The following R3HDM2 variants were observed in gnomAD, a reference collection of about 807,000 sequenced individuals.
The protein encoded by R3HDM2 is R3H domain containing 2, also known as R3H domain-containing protein 2.
R3HDM2 carries 38 observed loss-of-function variants against 124.5 expected under a neutral mutation model. The observed-to-expected ratio is 0.31, with a 90% confidence interval of 0.24 to 0.40. The LOEUF (loss-of-function observed/expected upper bound fraction) is 0.40, where lower values mean the gene tolerates loss of function less well. Ranked by LOEUF, R3HDM2 falls within the 10% of genes least tolerant of loss-of-function variation. The pLI is 1.00. For missense variants in R3HDM2, 869 were observed against 1,236.9 expected (o/e 0.70, Z 4.46); for synonymous variants, 391 against 448.0 (o/e 0.87, Z 1.61).
At chr12:57,361,439 A>G (rs2061956496) in intron 2 of R3HDM2, among the ~76,000 whole-genome samples, 1 of 151,040 alleles carries the variant, frequency 6.6e-6, no homozygotes, top group Non-Finnish European at 1.5e-5. Context: ...TAATCCCTAC[A>G]CTTTGGGAAA....
chr12:57,284,074 G>A lies in R3HDM2; in HGVS notation c.939-18C>T. 1 of 1,573,300 alleles carries A rather than the reference G, an allele frequency of 6.4e-7. No individual in the cohort carries two copies. Among genetic ancestry groups the A allele is most frequent in the South Asian group, 1.1e-5 (1 of 87,450 alleles). The stretch of plus-strand genomic sequence containing the variant: ...GGTTCCCCCTGCAGAGACCATAGTG[G>A]TCAGAGCACCTCCCACCCACCACTT... On this transcript the variant is annotated intron_variant, in intron 12 of 23. Coordinates refer to ENST00000402412, the MANE Select transcript of R3HDM2 (RefSeq NM_001394031.1).
chr12:57,298,056 A>G (rs987252716), intron 7 of R3HDM2, 34 bp downstream of exon 7: 1 of 1,471,064 alleles, frequency 6.8e-7, no homozygotes, highest in South Asian at 1.2e-5. Flanking sequence ...CTATCCCCTA[A>G]CCCCTTTTCC....
At chr12:57,262,258 C>A (rs538174557) in intron 19 of R3HDM2, among the ~76,000 whole-genome samples, 13 of 152,238 alleles carry the variant, frequency 8.5e-5, no homozygotes, top group African/African-American at 2.6e-4. Flanking sequence ...CTTTGGAAAC[C>A]CCTCAGCTAA....
rs557686552 is a variant in R3HDM2 at position 57,360,711 on chromosome 12, GA to G, written c.-36+35037del. Among the ~76,000 whole-genome samples, 325 of 150,870 alleles carry G rather than the reference GA, an allele frequency of 2.2e-3. 2 individuals carry two copies. Among genetic ancestry groups the G allele is most frequent in the African/African-American group, 7.3e-3 (301 of 41,076 alleles). ...GAAAGGAAAAAGGAAAGGAAAGGAA[GA>G]AAAAAAATAAAAGAAAATGTGGCTT... On this transcript the variant is annotated intron_variant, in intron 2 of 23. Transcript: ENST00000402412.
chr12:57,326,004 G>A (rs1205457499), intron 2 of R3HDM2, among the ~76,000 whole-genome samples: 1 of 152,056 alleles, frequency 6.6e-6, no homozygotes, highest in Non-Finnish European at 1.5e-5. Context: ...ATTATTATAT[G>A]TGTTATTGTG....
Position 57,343,259 on chromosome 12 carries a change from TG to T in R3HDM2, c.-35-32797del, listed in dbSNP as rs1170716015. 2.0e-4 allele frequency among the ~76,000 whole-genome samples: 30 copies of T among 151,188 alleles called. 1 individual carries two copies. In the East Asian group the frequency reaches 5.6e-3, roughly 28 times the overall value. On this transcript the variant is annotated intron_variant, in intron 2 of 23. Transcript: ENST00000402412. Reference sequence around the variant, plus strand: ...AAGCTAGAGTCCAATGGCGCGATCTTGGCTCACCACAACCTCCGCCTCCCGG... The same window carrying T: ...AAGCTAGAGTCCAATGGCGCGATCTTGCTCACCACAACCTCCGCCTCCCGG...
Position 57,394,296 on chromosome 12 carries a change from C to CAA in R3HDM2, c.-36+1451_-36+1452dup, listed in dbSNP as rs546790969. Among the ~76,000 whole-genome samples the CAA allele has an allele frequency of 2.3e-5, 3 of 127,694 alleles. No individual in the cohort carries two copies. The Admixed American group carries it at 2.4e-4, about 10-fold the overall frequency. 83.8% of individuals were successfully genotyped at this position (127,694 alleles called of 152,430 possible). On this transcript the variant is annotated intron_variant, in intron 2 of 23. Transcript: ENST00000402412. ...TGGGTGACAGAGCAAGAGCCTGTCT[C>CAA]AAAAAAAAAAAAAGAAAAGAAATGG...
chr12:57,354,758 AT>A (rs1214492603), intron 2 of R3HDM2, among the ~76,000 whole-genome samples: 1 of 151,936 alleles, frequency 6.6e-6, no homozygotes, highest in African/African-American at 2.4e-5. Context: ...ACATATGAGT[AT>A]TTTCTAAAAC....
chr12:57,314,682 T>A (rs1162768122), intron 2 of R3HDM2, among the ~76,000 whole-genome samples: 1 of 152,168 alleles, frequency 6.6e-6, no homozygotes, highest in Non-Finnish European at 1.5e-5. Context: ...TTGCTCCCTA[T>A]TATAAATTAT....
chr12:57,306,043 G>C (rs1356908584), intron 3 of R3HDM2, among the ~76,000 whole-genome samples: 1 of 152,214 alleles, frequency 6.6e-6, no homozygotes, highest in Non-Finnish European at 1.5e-5. Context: ...ATGTTGGTAG[G>C]GGTAGGAGTT....
chr12:57,344,939 A>G (rs1221025559), intron 2 of R3HDM2, among the ~76,000 whole-genome samples: 9 of 151,938 alleles, frequency 5.9e-5, no homozygotes, highest in African/African-American at 2.2e-4. Context: ...GGTTCAAGCG[A>G]TTCTCCTGCC....
Position 57,367,356 on chromosome 12 carries a change from G to A in R3HDM2, c.-36+28393C>T, listed in dbSNP as rs118048380. Among the ~76,000 whole-genome samples the A allele has an allele frequency of 2.1e-3, 324 of 152,314 alleles. 9 individuals carry two copies. The East Asian group carries it at 0.05, about 23-fold the overall frequency. On this transcript the variant is annotated intron_variant, in intron 2 of 23. Transcript: ENST00000402412. ...ACTAAGTATTTGAATTGTAGTTAGT[G>A]TAACTGAGGAACTCAATTTTTATGT...
chr12:57,265,492 G>A (rs1041636674), intron 19 of R3HDM2, among the ~76,000 whole-genome samples: 10 of 150,828 alleles, frequency 6.6e-5, no homozygotes, highest in African/African-American at 2.2e-4. Flanking sequence ...AAAGGCATGT[G>A]AGTATAGTGC....
chr12:57,342,461 C>CAT (rs2059662076), intron 2 of R3HDM2, among the ~76,000 whole-genome samples: 1 of 150,720 alleles, frequency 6.6e-6, no homozygotes, highest in Admixed American at 6.7e-5. Context: ...CACACTGGCA[C>CAT]ATACACTCAC....
intron 2 of R3HDM2, among the ~76,000 whole-genome samples, chr12:57,384,977 T>C (rs2065485272): frequency 6.6e-6 from 1 of 152,012 alleles, no homozygotes; most frequent in Non-Finnish European, 1.5e-5. Context: ...TGAAACCCCA[T>C]CTCTACTAAA....
intron 14 of R3HDM2, 26 bp downstream of exon 14, chr12:57,280,332 G>T: frequency 6.2e-7 from 1 of 1,600,138 alleles, no homozygotes; most frequent in South Asian, 1.1e-5. Flanking sequence ...GAGTGGAGAG[G>T]ACTCTGACAC....
chr12:57,305,509 C>G (rs537739337), intron 3 of R3HDM2: 181 of 392,362 alleles, frequency 4.6e-4, no homozygotes, highest in Middle Eastern at 3.9e-3. Flanking sequence ...AGACTCTTAC[C>G]AACAATATAT....
intron 1 of R3HDM2, among the ~76,000 whole-genome samples, chr12:57,424,074 A>G (rs1205336882): frequency 8.1e-6 from 1 of 123,684 alleles, no homozygotes; most frequent in Non-Finnish European, 1.6e-5. Context: ...AGATCGCGCC[A>G]TTGCACTCCA....
intron 1 of R3HDM2, among the ~76,000 whole-genome samples, chr12:57,425,659 C>A (rs1167859509): frequency 1.3e-5 from 2 of 152,062 alleles, no homozygotes; most frequent in African/African-American, 4.8e-5. Flanking sequence ...ATTAGCCGGG[C>A]ATGATGGCGG....
Sources: gnomAD v4.1 joint callset for allele counts (sites outside exome capture counted in the v4.1 genomes callset) on GRCh38, gnomAD v4.1.1 for gene constraint, MANE v1.5 for transcripts, NCBI Gene and HGNC (gene_info 2026-07-23, HGNC 2026-07-21) for gene names.